CDYL2: variants seen among roughly 807,000 people sequenced by gnomAD.
CDYL2 encodes the protein chromodomain Y-like protein 2.
Under a neutral mutation model 49.4 loss-of-function variants are expected in CDYL2, and 23 were observed. That is an observed-to-expected ratio of 0.47 (90% CI 0.34 to 0.66). The LOEUF is 0.66. Among genes scored for constraint, CDYL2 ranks in the 30% least tolerant of loss-of-function variants. CDYL2 has a pLI of 0.01. For synonymous variants in CDYL2, 360 were observed against 268.8 expected, an observed-to-expected ratio of 1.34 and a Z score of -3.32; for missense variants, 678 against 656.4, an observed-to-expected ratio of 1.03 and a Z score of -0.36.
chr16:80,788,573 T>A (rs1907509300), intron 1 of CDYL2, among the ~76,000 whole-genome samples: 1 of 152,252 alleles, frequency 6.6e-6, no homozygotes, highest in Non-Finnish European at 1.5e-5. Flanking sequence ...GACAGTGCTA[T>A]GATAGAAGTA....
intron 4 of CDYL2, among the ~76,000 whole-genome samples, chr16:80,616,879 G>T (rs1027064589): frequency 1.3e-5 from 2 of 152,178 alleles, no homozygotes; most frequent in African/African-American, 4.8e-5. Flanking sequence ...CATTTTGATT[G>T]TTCCCATTTT....
rs984296152 is a variant in CDYL2, at chr16:80,612,564, T to G, written c.1218+62A>C. ...GGTTTCTAGCCCCATGAAGAGCCCC[T>G]AAACCCAAGGCAGAGGAAGGATCCT... On this transcript the variant is annotated intron_variant, in intron 5 of 6. Coordinates refer to ENST00000570137, the MANE Select transcript of CDYL2 (RefSeq NM_152342.4). This position sits in a 1 kb window ranked among gnomAD's most constrained non-coding sequence, Gnocchi z 5.0. 47 of 1,505,636 alleles carry G rather than the reference T, an allele frequency of 3.1e-5. No individual in the cohort carries two copies. The highest frequency in any genetic ancestry group is 4.2e-5 in the Non-Finnish European group (47 of 1,118,894). The allele number at this position is 1,505,636 out of a possible 1,614,324, so 93.3% of individuals were successfully genotyped here.
intron 1 of CDYL2, among the ~76,000 whole-genome samples, chr16:80,780,274 T>C (rs1907220337): frequency 6.6e-6 from 1 of 152,124 alleles, no homozygotes. Flanking sequence ...TACAATAATG[T>C]GAAGTGATTT....
rs185245492 is a variant in CDYL2, at chr16:80,675,704, T to C, written c.616+8834A>G. ...GACATTAGGAGGTGAAGTTTTATTATTGTTTTGGAACCCTCAATAAGGAGA... is the reference window on the plus strand; with the variant it reads ...GACATTAGGAGGTGAAGTTTTATTACTGTTTTGGAACCCTCAATAAGGAGA... On this transcript the variant is annotated intron_variant, in intron 2 of 6. Transcript: ENST00000570137. Among the ~76,000 whole-genome samples, 94 of 151,704 alleles carry C rather than the reference T, an allele frequency of 6.2e-4. 1 individual carries two copies. The highest frequency in any genetic ancestry group is 2.1e-3 in the African/African-American group (88 of 41,398).
rs960171621 is a variant in CDYL2, at chr16:80,772,825, G to A, written c.24+31325C>T. ...TTCTAGAGTAACCACTAAAAGAAAA[G>A]AAAAAATAACAGAAAAAATGGAATA... On this transcript the variant is annotated intron_variant, in intron 1 of 6. Coordinates refer to ENST00000570137, the MANE Select transcript of CDYL2 (RefSeq NM_152342.4). Among the ~76,000 whole-genome samples, 5 of 151,810 alleles carry A rather than the reference G, an allele frequency of 3.3e-5. No individual in the cohort carries two copies. In the East Asian group the frequency reaches 7.7e-4, roughly 23 times the overall value.
At chr16:80,687,988 G>C (rs1341636955) in intron 1 of CDYL2, among the ~76,000 whole-genome samples, 3 of 152,218 alleles carry the variant, frequency 2.0e-5, no homozygotes. Flanking sequence ...ATGGGAAGAA[G>C]AGAGAGTATA....
intron 1 of CDYL2, among the ~76,000 whole-genome samples, chr16:80,779,803 G>A (rs1907204061): frequency 6.6e-6 from 1 of 152,108 alleles, no homozygotes; most frequent in South Asian, 2.1e-4. Flanking sequence ...TAAGTGCAAA[G>A]ACAGACTAGA....
At chr16:80,691,685 C>T (rs908529474) in intron 1 of CDYL2, among the ~76,000 whole-genome samples, 7 of 152,114 alleles carry the variant, frequency 4.6e-5, no homozygotes, top group African/African-American at 1.7e-4. Context: ...CCAGTACAAT[C>T]ACACCAGTGA....
At chr16:80,777,320 T>TTATATTA (rs1313321250) in intron 1 of CDYL2, among the ~76,000 whole-genome samples, 1 of 151,774 alleles carries the variant, frequency 6.6e-6, no homozygotes, top group Non-Finnish European at 1.5e-5. Flanking sequence ...TATTATCTAG[T>TTATATTA]TCATAATTAA....
intron 1 of CDYL2, among the ~76,000 whole-genome samples, chr16:80,781,993 TAA>T (rs1170523334): frequency 2.0e-5 from 3 of 151,484 alleles, no homozygotes; most frequent in Non-Finnish European, 4.4e-5. Flanking sequence ...TGAGTAAATT[TAA>T]AAAAGAGCAA....
intron 1 of CDYL2, among the ~76,000 whole-genome samples, chr16:80,798,943 T>A (rs1907845626): frequency 6.6e-6 from 1 of 152,124 alleles, no homozygotes; most frequent in Non-Finnish European, 1.5e-5. Context: ...AAGGGAAAAT[T>A]AAACTGTCAT....
intron 5 of CDYL2, among the ~76,000 whole-genome samples, chr16:80,609,621 A>C (rs1268948136): frequency 6.6e-6 from 1 of 152,198 alleles, no homozygotes; most frequent in East Asian, 1.9e-4. Flanking sequence ...AAATGGCCAT[A>C]TCTGCTCCAA....
intron 2 of CDYL2, among the ~76,000 whole-genome samples, chr16:80,638,376 A>G (rs1473092829): frequency 6.6e-6 from 1 of 152,214 alleles, no homozygotes; most frequent in East Asian, 1.9e-4. Context: ...CACTTCGCCA[A>G]GACTCAATAT....
intron 1 of CDYL2, among the ~76,000 whole-genome samples, chr16:80,790,680 A>G (rs1246276995): frequency 6.6e-6 from 1 of 152,186 alleles, no homozygotes; most frequent in Admixed American, 6.5e-5. Flanking sequence ...CTGACTTCCA[A>G]CAGTTCACAG....
chr16:80,684,197 G>A (rs1462223682), intron 2 of CDYL2, among the ~76,000 whole-genome samples: 1 of 152,220 alleles, frequency 6.6e-6, no homozygotes, highest in Non-Finnish European at 1.5e-5. Context: ...ACGTGTCTTG[G>A]GTCCTGGGGG....
intron 2 of CDYL2, among the ~76,000 whole-genome samples, chr16:80,669,443 C>T (rs1019825339): frequency 1.9e-4 from 29 of 152,134 alleles, no homozygotes; most frequent in African/African-American, 7.0e-4. Context: ...CCCCCCTCCA[C>T]CTCACTGCCG....
chr16:80,605,714 A>G (rs1438221548), intron 6 of CDYL2, among the ~76,000 whole-genome samples: 2 of 152,086 alleles, frequency 1.3e-5, no homozygotes, highest in African/African-American at 4.8e-5. Context: ...AGTAATACTA[A>G]TAATAGTAAT....
chr16:80,680,790 C>T (rs1909938894), intron 2 of CDYL2, among the ~76,000 whole-genome samples: 1 of 152,150 alleles, frequency 6.6e-6, no homozygotes, highest in Non-Finnish European at 1.5e-5. Context: ...TCTGCTGGAG[C>T]TCCTGTACAC....
rs757403782 is a variant in CDYL2 at position 80,685,149 on chromosome 16, G to A, written c.25-20C>T. On this transcript the variant is annotated intron_variant, in intron 1 of 6. Coordinates refer to ENST00000570137, the MANE Select transcript of CDYL2 (RefSeq NM_152342.4). The stretch of plus-strand genomic sequence containing the variant: ...TTCAACCTGCGATACAAGATGAGAG[G>A]GTCAGAAAACAGAGAGAGAGGGAGG... 11 of 1,576,500 alleles carry A rather than the reference G, an allele frequency of 7.0e-6. No homozygotes were observed. The highest frequency in any genetic ancestry group is 8.7e-6 in the Non-Finnish European group (10 of 1,155,384).
Sources: allele counts gnomAD v4.1 joint callset (sites outside exome capture counted in the v4.1 genomes callset), GRCh38; gene constraint gnomAD v4.1.1; non-coding constraint Gnocchi (gnomAD v3.1); transcripts MANE v1.5; gene names NCBI Gene and HGNC (gene_info 2026-07-23, HGNC 2026-07-21).